The following FEZ2 variants were observed in gnomAD, a reference collection of about 807,000 sequenced individuals.
FEZ2 encodes fasciculation and elongation protein zeta-2.
FEZ2 carries 51 observed loss-of-function variants against 40.4 expected under a neutral mutation model. The ratio of observed to expected loss-of-function variants is 1.26; its 90% confidence interval spans 1.01 to 1.59. The LOEUF (loss-of-function observed/expected upper bound fraction) is 1.59. FEZ2 is among the 40% of genes most tolerant of loss of function. FEZ2 has a pLI of 0.00. For synonymous variants in FEZ2, 242 were observed against 172.0 expected (o/e 1.41, Z -3.18); for missense variants, 640 against 438.3 (o/e 1.46, Z -4.11).
At chr2:36,574,386 AATTT>A (rs1355312393) in intron 5 of FEZ2, among the ~76,000 whole-genome samples, 2 of 152,196 alleles carry the variant, frequency 1.3e-5, no homozygotes, top group African/African-American at 2.4e-5. Context: ...ATTCAGCAGA[AATTT>A]ATTAGGTACC....
At chr2:36,554,441 G>C (rs1667902646) in intron 7 of FEZ2, among the ~76,000 whole-genome samples, 1 of 151,942 alleles carries the variant, frequency 6.6e-6, no homozygotes, top group African/African-American at 2.4e-5. Context: ...TTTAAGACAT[G>C]TTCTTTATGT....
chr2:36,569,760 G>A (rs1386686010), intron 5 of FEZ2, among the ~76,000 whole-genome samples: 1 of 152,116 alleles, frequency 6.6e-6, no homozygotes, highest in Non-Finnish European at 1.5e-5. Context: ...TTGTTTCTCA[G>A]CCTCACCTGA....
chr2:36,571,981 C>G (rs539656323), intron 5 of FEZ2, among the ~76,000 whole-genome samples: 227 of 143,806 alleles, frequency 1.6e-3, no homozygotes, highest in African/African-American at 5.4e-3. Context: ...CGCCCCTGCA[C>G]TCCAGCATGA....
Position 36,562,010 on chromosome 2 carries a change from A to C in FEZ2, c.904-3497T>G, listed in dbSNP as rs116506578. Among the ~76,000 whole-genome samples the C allele has an allele frequency of 9.1e-4, 139 of 152,306 alleles. 1 individual carries two copies. Among genetic ancestry groups the C allele is most frequent in the Middle Eastern group, 6.8e-3 (2 of 294 alleles). ...TCAGGAGTTCAAAAATGTTTTCTTA[A>C]TACTACTAAAATATAAGTTGTCTTT... On this transcript the variant is annotated intron_variant, in intron 5 of 7. Transcript: ENST00000405912.
At chr2:36,589,611 G>C (rs1349366947) in intron 2 of FEZ2, 1 of 152,226 alleles carries the variant, frequency 6.6e-6, no homozygotes, top group African/African-American at 2.4e-5. Context: ...AAACAAGACA[G>C]AGCAAAAGAT....
At chr2:36,571,369 T>A (rs1012712154) in intron 5 of FEZ2, among the ~76,000 whole-genome samples, 10 of 152,256 alleles carry the variant, frequency 6.6e-5, no homozygotes, top group Admixed American at 6.5e-4. Flanking sequence ...CATTCAAGAA[T>A]GCGTATCAGA....
chr2:36,585,630 G>A (rs979069082), intron 2 of FEZ2, among the ~76,000 whole-genome samples: 3 of 152,046 alleles, frequency 2.0e-5, no homozygotes, highest in African/African-American at 7.2e-5. Flanking sequence ...ACCACAAAAA[G>A]GCAGGTAGTA....
intron 5 of FEZ2, among the ~76,000 whole-genome samples, chr2:36,565,354 C>T (rs1371312629): frequency 6.6e-6 from 1 of 152,184 alleles, no homozygotes; most frequent in Non-Finnish European, 1.5e-5. Context: ...ATTTTTGGTT[C>T]TCTAAACCCT....
chr2:36,591,215 TC>T (rs1195088610), intron 1 of FEZ2: 10 of 573,240 alleles, frequency 1.7e-5, no homozygotes, highest in Admixed American at 6.2e-5. Flanking sequence ...TGACAAGAAG[TC>T]CTAAGGGAAG....
chr2:36,573,640 T>C (rs933605135), intron 5 of FEZ2, among the ~76,000 whole-genome samples: 12 of 152,234 alleles, frequency 7.9e-5, no homozygotes, highest in Admixed American at 3.9e-4. Context: ...TTAAAGAGCT[T>C]GCACTCTGTT....
chr2:36,570,903 G>A (rs533845643), intron 5 of FEZ2, among the ~76,000 whole-genome samples: 1 of 152,244 alleles, frequency 6.6e-6, no homozygotes, highest in South Asian at 2.1e-4. Flanking sequence ...TATACAAGAA[G>A]AACACAATTT....
intron 5 of FEZ2, among the ~76,000 whole-genome samples, chr2:36,572,168 C>T (rs1324508425): frequency 1.3e-5 from 2 of 151,694 alleles, no homozygotes; most frequent in African/African-American, 4.8e-5. Flanking sequence ...ATTTAGAGAA[C>T]ACTGGTCTAC....
At chr2:36,573,528 A>G (rs1206053068) in intron 5 of FEZ2, among the ~76,000 whole-genome samples, 1 of 152,266 alleles carries the variant, frequency 6.6e-6, no homozygotes, top group Non-Finnish European at 1.5e-5. Flanking sequence ...CCGGGATTCA[A>G]TCTCCTGTAC....
intron 1 of FEZ2, among the ~76,000 whole-genome samples, chr2:36,595,799 A>T (rs1051601262): frequency 6.6e-6 from 1 of 152,248 alleles, no homozygotes; most frequent in African/African-American, 2.4e-5. Context: ...ATGCATTCCC[A>T]AGTCAAGAGA....
intron 5 of FEZ2, among the ~76,000 whole-genome samples, chr2:36,572,049 A>C (rs1668432617): frequency 1.3e-5 from 2 of 150,826 alleles, no homozygotes; most frequent in African/African-American, 2.4e-5. Flanking sequence ...AAAAAAGATA[A>C]AGGGGAAAAA....
Position 36,562,316 on chromosome 2 carries a change from T to C in FEZ2, c.904-3803A>G, listed in dbSNP as rs140995873. 9.3e-3 allele frequency among the ~76,000 whole-genome samples: 1,411 copies of C among 152,318 alleles called. 13 individuals are homozygous for C. Among genetic ancestry groups the C allele is most frequent in the African/African-American group, 0.033 (1,354 of 41,550 alleles). On this transcript the variant is annotated intron_variant, in intron 5 of 7. Coordinates refer to ENST00000405912, the MANE Select transcript of FEZ2 (RefSeq NM_005102.3). ...GCTAATATTAAGTTTCTTGGGGTCC[T>C]TGATAAATTTTAAGAGCGTAAAGAA... is the stretch of plus-strand genomic sequence containing the variant.
intron 2 of FEZ2, among the ~76,000 whole-genome samples, chr2:36,584,525 T>A (rs1406887809): frequency 6.6e-6 from 1 of 152,186 alleles, no homozygotes; most frequent in Admixed American, 6.5e-5. Flanking sequence ...TACCTATCTG[T>A]CATGACATGA....
At position 36,587,057 on chromosome 2, in the gene FEZ2, T is replaced by C. The variant is rs1055434278; in HGVS notation, c.376-3588A>G. Among the ~76,000 whole-genome samples the C allele has an allele frequency of 2.0e-5, 3 of 152,304 alleles. No individual in the cohort carries two copies. In the South Asian group the frequency reaches 6.2e-4, roughly 32 times the overall value. On this transcript the variant is annotated intron_variant, in intron 2 of 7. Transcript: ENST00000405912. ...GTCCCTGTCCTGAAAGAAATGCACA[T>C]GGAAGGAGAAATACAGCACAGAAGA...
intron 5 of FEZ2, among the ~76,000 whole-genome samples, chr2:36,563,942 T>G (rs952608440): frequency 2.0e-5 from 3 of 152,214 alleles, no homozygotes; most frequent in Non-Finnish European, 4.4e-5. Context: ...TAAATGCCAG[T>G]GTTCCCTAGG....
Sources: allele counts gnomAD v4.1 joint callset (sites outside exome capture counted in the v4.1 genomes callset), GRCh38; gene constraint gnomAD v4.1.1; transcripts MANE v1.5; gene names NCBI Gene and HGNC (gene_info 2026-07-23, HGNC 2026-07-21).